Variants in KIF5C observed in about 807,000 individuals in gnomAD.
The protein encoded by KIF5C is kinesin family member 5C.
In KIF5C, 18 loss-of-function variants were observed where a neutral mutation model predicts 125.2. That is an observed-to-expected ratio of 0.14 (90% CI 0.10 to 0.21). The LOEUF (loss-of-function observed/expected upper bound fraction) is 0.21, where lower values mean the gene tolerates loss of function less well. Ranked by LOEUF, KIF5C falls within the 10% of genes least tolerant of loss-of-function variation. The probability of loss-of-function intolerance (pLI) is 1.00; values close to 1 mark genes in which losing one functional copy is unlikely to be tolerated. For missense variants in KIF5C, 780 were observed against 1,183.8 expected (o/e 0.66, Z 5.01); for synonymous variants, 405 against 434.0 (o/e 0.93, Z 0.83).
rs192291878 is a variant in KIF5C at position 148,889,583 on chromosome 2, A to G, written c.126+13840A>G. Among the ~76,000 whole-genome samples, 11 of 152,296 alleles carry G rather than the reference A, an allele frequency of 7.2e-5. No homozygotes were observed. The East Asian group carries it at 1.9e-3, about 27-fold the overall frequency. ...CAGATGTAATTATTTCTGCTATTGC[A>G]TTGGATGAACTTCAGACCTTTGGTA... On this transcript the variant is annotated intron_variant, in intron 1 of 25. Coordinates refer to ENST00000435030, the MANE Select transcript of KIF5C (RefSeq NM_004522.3).
chr2:148,982,873 A>G (rs966509925), intron 14 of KIF5C, among the ~76,000 whole-genome samples: 4 of 152,362 alleles, frequency 2.6e-5, no homozygotes, highest in South Asian at 4.1e-4. Flanking sequence ...AAAATGCTCT[A>G]GCTGCATATG....
intron 1 of KIF5C, among the ~76,000 whole-genome samples, chr2:148,912,201 G>C (rs980330477): frequency 4.6e-5 from 7 of 152,220 alleles, no homozygotes; most frequent in Non-Finnish European, 1.0e-4. Context: ...AGCAGGGGCA[G>C]GGGCTGGCAG....
intron 25 of KIF5C, among the ~76,000 whole-genome samples, chr2:149,018,804 A>G (rs991611992): frequency 1.4e-4 from 22 of 152,278 alleles, no homozygotes; most frequent in Middle Eastern, 3.4e-3. Flanking sequence ...ACTGCACTCT[A>G]GTCTGGGTGA....
intron 1 of KIF5C, among the ~76,000 whole-genome samples, chr2:148,911,912 T>A (rs769349590): frequency 2.6e-5 from 4 of 152,180 alleles, no homozygotes; most frequent in Non-Finnish European, 5.9e-5. Flanking sequence ...TTGCCTGTGG[T>A]GCCATCTCCC....
chr2:149,009,329 T>C (rs1031527984), intron 23 of KIF5C, among the ~76,000 whole-genome samples: 13 of 152,144 alleles, frequency 8.5e-5, no homozygotes, highest in Non-Finnish European at 1.3e-4. Context: ...CGAGCATTTA[T>C]TAAAAATGTA....
intron 10 of KIF5C, among the ~76,000 whole-genome samples, chr2:148,954,884 T>G (rs1558915439): frequency 6.6e-6 from 1 of 152,080 alleles, no homozygotes; most frequent in Non-Finnish European, 1.5e-5. Context: ...TGGCTACACT[T>G]TGACATGAAA....
intron 10 of KIF5C, among the ~76,000 whole-genome samples, chr2:148,961,714 C>A (rs74908831): frequency 1.3e-5 from 2 of 152,006 alleles, no homozygotes; most frequent in African/African-American, 4.8e-5. Flanking sequence ...AAAGAGGAAA[C>A]CCTGAGACAA....
chr2:148,911,594 G>A (rs1437042105), intron 1 of KIF5C, among the ~76,000 whole-genome samples: 1 of 152,112 alleles, frequency 6.6e-6, no homozygotes, highest in Non-Finnish European at 1.5e-5. Flanking sequence ...GATAGAGAAA[G>A]GGGTTAGAGC....
chr2:148,925,019 A>G (rs1330246983), intron 2 of KIF5C, among the ~76,000 whole-genome samples: 1 of 152,170 alleles, frequency 6.6e-6, no homozygotes, highest in Non-Finnish European at 1.5e-5. Context: ...CATAGGCATT[A>G]TGTACTTTAG....
Position 149,023,322 on chromosome 2 carries a change from C to T in KIF5C, c.*252C>T, listed in dbSNP as rs773102152. ...ACTTACTACTGAGAACCATTACCACCGACTCGGCCTCCGGGGTGTTGGGTG... is the reference window on the plus strand; with the variant it reads ...ACTTACTACTGAGAACCATTACCACTGACTCGGCCTCCGGGGTGTTGGGTG... On this transcript the variant is annotated 3_prime_UTR_variant, in exon 26 of 26. Coordinates refer to ENST00000435030, the MANE Select transcript of KIF5C (RefSeq NM_004522.3). 1 of 152,284 alleles carries T rather than the reference C, an allele frequency of 6.6e-6. No homozygotes were observed. The highest frequency in any genetic ancestry group is 2.4e-5 in the African/African-American group (1 of 41,358). The allele number at this position is 152,284 out of a possible 1,614,324, so 9.4% of individuals were successfully genotyped here.
At chr2:149,011,436 TG>T in intron 24 of KIF5C, 133 bp from the exon 25 acceptor site, 2 of 1,255,598 alleles carry the variant, frequency 1.6e-6, no homozygotes, top group Non-Finnish European at 1.1e-6. Context: ...CAGAGAGATC[TG>T]GTGGTTGATA....
chr2:148,888,733 A>G (rs930916649), intron 1 of KIF5C: 2 of 151,244 alleles, frequency 1.3e-5, no homozygotes, highest in African/African-American at 4.9e-5. Flanking sequence ...CCCACCCTAC[A>G]TCTTCCATTT....
At chr2:148,975,961 C>T (rs190597776) in intron 12 of KIF5C, among the ~76,000 whole-genome samples, 13 of 152,200 alleles carry the variant, frequency 8.5e-5, no homozygotes, top group Admixed American at 3.9e-4. Context: ...TGCTTACTTC[C>T]GTGTGTGGTG....
intron 21 of KIF5C, among the ~76,000 whole-genome samples, chr2:149,001,375 C>G (rs1453666598): frequency 6.6e-6 from 1 of 152,096 alleles, no homozygotes; most frequent in Non-Finnish European, 1.5e-5. Context: ...CAGCTCATGC[C>G]AAGGCCCTGA....
intron 11 of KIF5C, among the ~76,000 whole-genome samples, chr2:148,969,144 A>C (rs1394132959): frequency 7.2e-5 from 11 of 152,172 alleles, no homozygotes; most frequent in East Asian, 5.8e-4. Flanking sequence ...TTAAAAAAAA[A>C]CCCAAAAACC....
intron 1 of KIF5C, among the ~76,000 whole-genome samples, chr2:148,885,338 C>T (rs1681486283): frequency 6.6e-6 from 1 of 152,198 alleles, no homozygotes; most frequent in African/African-American, 2.4e-5. Context: ...GTGTCAGGGT[C>T]ACCTGGAAAG....
intron 1 of KIF5C, among the ~76,000 whole-genome samples, chr2:148,905,448 T>A (rs960607710): frequency 6.6e-6 from 1 of 152,060 alleles, no homozygotes; most frequent in Non-Finnish European, 1.5e-5. Context: ...AGGAGAGGCA[T>A]TGGTTTGCTA....
chr2:148,995,838 C>A (rs1681653470), intron 17 of KIF5C, among the ~76,000 whole-genome samples: 1 of 152,208 alleles, frequency 6.6e-6, no homozygotes, highest in African/African-American at 2.4e-5. Flanking sequence ...TCATTGTATT[C>A]TTACTATGGT....
chr2:148,957,683 A>AC (rs1382908296), intron 10 of KIF5C, among the ~76,000 whole-genome samples: 20 of 151,218 alleles, frequency 1.3e-4, no homozygotes, highest in African/African-American at 4.6e-4. Context: ...CTGCATCTGG[A>AC]AATTCTTGTA....
Sources: gnomAD v4.1 joint callset for allele counts (sites outside exome capture counted in the v4.1 genomes callset) on GRCh38, gnomAD v4.1.1 for gene constraint, MANE v1.5 for transcripts, NCBI Gene and HGNC (gene_info 2026-07-23, HGNC 2026-07-21) for gene names.